Variants in SRGAP3 observed in about 807,000 individuals in gnomAD.
SRGAP3 encodes the protein SLIT-ROBO Rho GTPase-activating protein 3.
A neutral mutation model predicts 121.1 loss-of-function variants in SRGAP3; 39 were observed. That is an observed-to-expected ratio of 0.32 (90% CI 0.25 to 0.42). The LOEUF is 0.42. Ranked by LOEUF, SRGAP3 falls within the 10% of genes least tolerant of loss-of-function variation. The probability of loss-of-function intolerance (pLI) is 1.00; values close to 1 mark genes in which losing one functional copy is unlikely to be tolerated. For synonymous variants in SRGAP3, 601 were observed against 570.0 expected, an observed-to-expected ratio of 1.05 and a Z score of -0.77; for missense variants, 1,213 against 1,470.6, an observed-to-expected ratio of 0.82 and a Z score of 2.86.
intron 9 of SRGAP3, among the ~76,000 whole-genome samples, chr3:9,049,770 G>T (rs1945472231): frequency 7.7e-6 from 1 of 130,346 alleles, no homozygotes; most frequent in African/African-American, 3.1e-5. Context: ...GGTGGTCTGA[G>T]AACCTACTTT....
intron 3 of SRGAP3, among the ~76,000 whole-genome samples, chr3:9,302,057 TATC>T (rs1955067784): frequency 1.3e-5 from 2 of 152,176 alleles, no homozygotes; most frequent in Admixed American, 1.3e-4. Context: ...TTATTGTGCT[TATC>T]ATGTGCTTAC....
intron 1 of SRGAP3, chr3:9,235,503 C>CT (rs397877508): frequency 0.029 from 3,905 of 133,584 alleles, 88 homozygotes; most frequent in Middle Eastern, 0.047. Flanking sequence ...TTTTCTTTTT[C>CT]TTTTTTTTTT....
chr3:9,014,149 G>T lies in SRGAP3; in HGVS notation c.1814-307C>A, dbSNP rs923631781. 8 of 446,522 alleles carry T rather than the reference G, an allele frequency of 1.8e-5. 1 individual carries two copies. Among genetic ancestry groups the T allele is most frequent in the Non-Finnish European group, 1.2e-5 (3 of 240,190 alleles). 27.7% of individuals were successfully genotyped at this position (446,522 alleles called of 1,614,324 possible). ...AGAGGGAAGCCTGGAGCACAGTGGG[G>T]GCCCCTGAGAGGAGGATCCCACCTA... On this transcript the variant is annotated intron_variant, in intron 15 of 21. Transcript: ENST00000383836.
chr3:9,047,406 G>A lies in SRGAP3; in HGVS notation c.1393C>T (p.Gln465Ter). 1 of 1,614,142 alleles carries A rather than the reference G, an allele frequency of 6.2e-7. No individual in the cohort carries two copies. Among genetic ancestry groups the A allele is most frequent in the Non-Finnish European group, 8.5e-7 (1 of 1,180,028 alleles). ...GCCCACTCACCTTCGCCCAGGGTCT[G>A]CTTGAGTAAATCGTGCTTGGCCTGC... ...KLQAKHDLLKQTLGEGERAEC... is the reference protein window; with the variant it reads ...KLQAKHDLLK Residue 465 changes from glutamine to a stop codon, truncating the protein, a stop_gained, in exon 10 of 22, where the codon CAG becomes TAG. Coordinates refer to ENST00000383836, the MANE Select transcript of SRGAP3 (RefSeq NM_014850.4). LOFTEE classifies it high-confidence loss of function.
intron 1 of SRGAP3, among the ~76,000 whole-genome samples, chr3:9,159,081 C>G (rs892490160): frequency 2.6e-5 from 4 of 152,156 alleles, no homozygotes; most frequent in Non-Finnish European, 5.9e-5. Flanking sequence ...GGCCTCTGTT[C>G]CAGGTTCCAA....
At chr3:9,110,732 G>A (rs116724000) in intron 2 of SRGAP3, among the ~76,000 whole-genome samples, 2,272 of 152,374 alleles carry the variant, frequency 0.015, 20 homozygotes, top group Middle Eastern at 0.02. Flanking sequence ...CTGTGGGGCA[G>A]GTCATTTGTA....
chr3:9,069,943 T>C (rs531664253), intron 4 of SRGAP3, among the ~76,000 whole-genome samples: 1 of 151,796 alleles, frequency 6.6e-6, no homozygotes, highest in African/African-American at 2.4e-5. Context: ...CGAGACTCCA[T>C]CTCAAAAAAA....
intron 1 of SRGAP3, among the ~76,000 whole-genome samples, chr3:9,126,649 A>C (rs2668368): frequency 0.52 from 70,680 of 136,026 alleles, 17,968 homozygotes; most frequent in Non-Finnish European, 0.59. Context: ...AACTAACTAA[A>C]TAAATAAATA....
At chr3:9,182,837 T>G (rs894515130) in intron 1 of SRGAP3, among the ~76,000 whole-genome samples, 1 of 151,918 alleles carries the variant, frequency 6.6e-6, no homozygotes, top group Non-Finnish European at 1.5e-5. Flanking sequence ...TAAAAAATTT[T>G]ATAGAGATGG....
At chr3:9,056,094 G>T in intron 8 of SRGAP3, 139 bp downstream of exon 8, 1 of 743,118 alleles carries the variant, frequency 1.3e-6, no homozygotes, top group Non-Finnish European at 2.3e-6. Context: ...CTTGGTGTGT[G>T]TGGTTTTAAT....
chr3:9,227,382 A>G (rs1331598718), intron 1 of SRGAP3, among the ~76,000 whole-genome samples: 1 of 152,204 alleles, frequency 6.6e-6, no homozygotes, highest in Non-Finnish European at 1.5e-5. Context: ...GTAATAACAG[A>G]GCGCACTTAT....
At chr3:8,994,548 C>G (rs776587048) in intron 18 of SRGAP3, 25 bp from the exon 19 acceptor site, 11 of 1,610,006 alleles carry the variant, frequency 6.8e-6, no homozygotes, top group Non-Finnish European at 9.3e-6. Context: ...AGGGAAAAAG[C>G]GTCTCTGAGG....
intron 1 of SRGAP3, among the ~76,000 whole-genome samples, chr3:9,334,100 C>T (rs1295291071): frequency 6.6e-6 from 1 of 151,684 alleles, no homozygotes; most frequent in Non-Finnish European, 1.5e-5. Context: ...AATAATACTT[C>T]ACAGGATGAT....
chr3:9,095,064 G>C (rs909865583), intron 3 of SRGAP3, among the ~76,000 whole-genome samples: 11 of 152,084 alleles, frequency 7.2e-5, no homozygotes, highest in African/African-American at 1.2e-4. Context: ...TGTAATCCCA[G>C]ACCATATCCG....
upstream of SRGAP3, among the ~76,000 whole-genome samples, chr3:9,254,294 A>G (rs1007254080): frequency 6.6e-6 from 1 of 152,248 alleles, no homozygotes; most frequent in African/African-American, 2.4e-5. Context: ...AATACATGCT[A>G]CAGTATGGAG....
intron 3 of SRGAP3, among the ~76,000 whole-genome samples, chr3:9,263,240 C>T (rs549284376): frequency 6.6e-6 from 1 of 152,272 alleles, no homozygotes; most frequent in Admixed American, 6.5e-5. Flanking sequence ...AAATTTATAG[C>T]ACTAAATGCC....
At chr3:9,248,848 G>A in intron 1 of SRGAP3, 37 bp downstream of exon 1, 1 of 1,605,816 alleles carries the variant, frequency 6.2e-7, no homozygotes, top group Non-Finnish European at 8.5e-7. Flanking sequence ...AAAACGAAAG[G>A]GGAGGAGAAG....
At chr3:9,228,795 G>A (rs1370396649) in intron 1 of SRGAP3, among the ~76,000 whole-genome samples, 1 of 151,626 alleles carries the variant, frequency 6.6e-6, no homozygotes, top group Non-Finnish European at 1.5e-5. Context: ...GGCGCGGTGG[G>A]CTCACGCCTG....
At chr3:9,205,897 T>C (rs986268847) in intron 1 of SRGAP3, among the ~76,000 whole-genome samples, 1 of 152,226 alleles carries the variant, frequency 6.6e-6, no homozygotes, top group African/African-American at 2.4e-5. Flanking sequence ...CAGTGTATGA[T>C]TCTACTCATA....
Sources: allele counts gnomAD v4.1 joint callset (sites outside exome capture counted in the v4.1 genomes callset), GRCh38; gene constraint gnomAD v4.1.1; transcripts MANE v1.5; gene names NCBI Gene and HGNC (gene_info 2026-07-23, HGNC 2026-07-21).